BICRAL: variants seen among roughly 807,000 people sequenced by gnomAD.
The protein encoded by BICRAL is BRD4-interacting chromatin-remodeling complex-associated protein-like.
Under a neutral mutation model 91.8 loss-of-function variants are expected in BICRAL, and 8 were observed. The observed-to-expected ratio is 0.09, with a 90% CI of 0.05 to 0.16. The LOEUF is 0.16. Ranked by LOEUF, BICRAL falls within the 10% of genes least tolerant of loss-of-function variation. The pLI, the probability that BICRAL is intolerant of heterozygous loss-of-function variation, is 1.00. For missense variants in BICRAL, 1,038 were observed against 1,310.9 expected, an observed-to-expected ratio of 0.79 and a Z score of 3.21; for synonymous variants, 445 against 491.1, an observed-to-expected ratio of 0.91 and a Z score of 1.24.
chr6:42,790,650 G>C (rs564339897), intron 1 of BICRAL, among the ~76,000 whole-genome samples: 2 of 151,402 alleles, frequency 1.3e-5, no homozygotes, highest in Admixed American at 1.3e-4. Context: ...GAGAAAATAA[G>C]AATGGAGTAG....
intron 1 of BICRAL, among the ~76,000 whole-genome samples, chr6:42,804,630 T>C (rs1763660079): frequency 6.6e-6 from 1 of 152,130 alleles, no homozygotes; most frequent in Non-Finnish European, 1.5e-5. Context: ...TGATAAGTTT[T>C]GGGGACATCA....
intron 1 of BICRAL, among the ~76,000 whole-genome samples, chr6:42,760,781 G>T (rs543592662): frequency 6.8e-6 from 1 of 146,284 alleles, no homozygotes; most frequent in East Asian, 1.9e-4. Flanking sequence ...CAGCAATTTG[G>T]GAGGTAGAGG....
chr6:42,816,734 G>C (rs918107899), intron 2 of BICRAL, among the ~76,000 whole-genome samples: 10 of 152,152 alleles, frequency 6.6e-5, no homozygotes, highest in African/African-American at 1.9e-4. Context: ...AAGAGTATCA[G>C]CCGGGCGTGG....
intron 1 of BICRAL, among the ~76,000 whole-genome samples, chr6:42,750,033 A>G (rs959296838): frequency 2.0e-5 from 3 of 151,162 alleles, no homozygotes; most frequent in African/African-American, 7.3e-5. Flanking sequence ...TTTTTTTAAT[A>G]TATATAGTTT....
chr6:42,801,981 AAT>A (rs1763587438), intron 1 of BICRAL, among the ~76,000 whole-genome samples: 1 of 152,108 alleles, frequency 6.6e-6, no homozygotes, highest in Admixed American at 6.6e-5. Context: ...TGTTTAATAA[AAT>A]ATATCATAAT....
intron 5 of BICRAL, among the ~76,000 whole-genome samples, chr6:42,823,425 T>C (rs1354283167): frequency 6.6e-6 from 1 of 152,178 alleles, no homozygotes; most frequent in Non-Finnish European, 1.5e-5. Flanking sequence ...CCCAGCCTGT[T>C]GTAATTTATA....
At chr6:42,853,193 G>GT (rs988258547) in intron 7 of BICRAL, among the ~76,000 whole-genome samples, 8 of 150,768 alleles carry the variant, frequency 5.3e-5, no homozygotes, top group Non-Finnish European at 7.4e-5. Context: ...TATGTCTTCC[G>GT]TTTTTTCTAA....
intron 6 of BICRAL, among the ~76,000 whole-genome samples, chr6:42,851,563 C>T (rs1413179824): frequency 6.6e-6 from 1 of 152,126 alleles, no homozygotes; most frequent in Non-Finnish European, 1.5e-5. Flanking sequence ...TTGCATGCCA[C>T]CTGATGTTGA....
chr6:42,857,441 A>G (rs2114030870), intron 10 of BICRAL, among the ~76,000 whole-genome samples: 1 of 151,728 alleles, frequency 6.6e-6, no homozygotes, highest in African/African-American at 2.4e-5. Context: ...TTTGAAGGGA[A>G]GTCAAGAGTA....
chr6:42,796,070 A>G (rs1763406960), intron 1 of BICRAL, among the ~76,000 whole-genome samples: 1 of 152,180 alleles, frequency 6.6e-6, no homozygotes, highest in Non-Finnish European at 1.5e-5. Flanking sequence ...CCATTCAGCA[A>G]ATATTATTGA....
intron 6 of BICRAL, among the ~76,000 whole-genome samples, chr6:42,840,749 G>A (rs1021525665): frequency 2.0e-5 from 3 of 151,808 alleles, no homozygotes; most frequent in African/African-American, 7.3e-5. Context: ...AAATCTCTTT[G>A]GATCACTAAA....
In BICRAL at chr6:42,866,530, T is replaced by G. The variant is rs775175150; in HGVS notation, c.*1084T>G. On this transcript the variant is annotated 3_prime_UTR_variant, in exon 13 of 13. Transcript: ENST00000314073. ...TGTTGTAATTTTTCAGTTTAAACTT[T>G]AAGGAGACTCTGGCCTTGTTTATGC... The G allele has an allele frequency of 5.1e-6, 1 of 196,376 alleles. No individual in the cohort carries two copies. Among genetic ancestry groups the G allele is most frequent in the Non-Finnish European group, 1.1e-5 (1 of 93,336 alleles). 12.2% of individuals were successfully genotyped at this position (196,376 alleles called of 1,614,324 possible).
intron 1 of BICRAL, among the ~76,000 whole-genome samples, chr6:42,757,315 A>G (rs1320564155): frequency 2.0e-5 from 3 of 151,184 alleles, no homozygotes; most frequent in East Asian, 3.9e-4. Flanking sequence ...GCAATGGAGC[A>G]ATCTCAGCTC....
At chr6:42,808,195 G>T (rs1056299337) in intron 1 of BICRAL, among the ~76,000 whole-genome samples, 2 of 150,496 alleles carry the variant, frequency 1.3e-5, no homozygotes, top group Non-Finnish European at 2.9e-5. Flanking sequence ...GCAATGGTGC[G>T]ATCTTGGCTC....
At chr6:42,777,481 C>A (rs948226217), upstream of BICRAL, among the ~76,000 whole-genome samples, 1 of 152,158 alleles carries the variant, frequency 6.6e-6, no homozygotes, top group Admixed American at 6.5e-5. Flanking sequence ...AAAGTATATA[C>A]CTTATTTATG....
At chr6:42,795,816 CA>C (rs1488849174) in intron 1 of BICRAL, among the ~76,000 whole-genome samples, 1 of 151,934 alleles carries the variant, frequency 6.6e-6, no homozygotes, top group Non-Finnish European at 1.5e-5. Context: ...AAATTATTAC[CA>C]TAACTATCTA....
At chr6:42,794,234 A>G (rs976524439) in intron 1 of BICRAL, among the ~76,000 whole-genome samples, 2 of 152,050 alleles carry the variant, frequency 1.3e-5, no homozygotes, top group African/African-American at 4.8e-5. Context: ...ATTTTTTTAC[A>G]GCATGTGTGA....
chr6:42,857,104 T>C lies in BICRAL; in HGVS notation c.2122T>C (p.Leu708=). The C allele has an allele frequency of 6.2e-7, 1 of 1,613,464 alleles. No homozygotes were observed. Among genetic ancestry groups the C allele is most frequent in the East Asian group, 2.2e-5 (1 of 44,880 alleles). ...TCCCTTGTAAAGCATTCTCCAGCAG[T>C]TGCAGAGGGACCAAGCCCACACTGT... is the stretch of plus-strand genomic sequence containing the variant. ...LTKGAFILQQ[L]QRDQAHTVTP... The change falls in exon 10 of 13, where the codon TTG becomes CTG. Residue 708 remains leucine (L), a synonymous_variant. Coordinates refer to ENST00000314073, the MANE Select transcript of BICRAL (RefSeq NM_001393499.1).
intron 1 of BICRAL, among the ~76,000 whole-genome samples, chr6:42,749,434 A>G (rs1338811264): frequency 1.3e-5 from 2 of 152,234 alleles, no homozygotes; most frequent in Non-Finnish European, 2.9e-5. Flanking sequence ...CAAAGGCACA[A>G]GTTAGATAGA....
Sources: gnomAD v4.1 joint callset for allele counts (sites outside exome capture counted in the v4.1 genomes callset) on GRCh38, gnomAD v4.1.1 for gene constraint, MANE v1.5 for transcripts, NCBI Gene and HGNC (gene_info 2026-07-23, HGNC 2026-07-21) for gene names.